GRXCR2: variants seen among roughly 807,000 people sequenced by gnomAD.
GRXCR2 encodes glutaredoxin domain-containing cysteine-rich protein 2.
A neutral mutation model predicts 24.8 loss-of-function variants in GRXCR2; 23 were observed. The ratio of observed to expected loss-of-function variants is 0.93; its 90% confidence interval spans 0.67 to 1.32. GRXCR2 has a LOEUF of 1.32. GRXCR2 is among the 40% of genes most tolerant of loss of function. The pLI is 0.00. For synonymous variants in GRXCR2, 130 were observed against 116.1 expected (o/e 1.12, Z -0.77); for missense variants, 315 against 303.4 (o/e 1.04, Z -0.28).
chr5:145,881,279 C>T (rs142904601), intron 2 of GRXCR2, among the ~76,000 whole-genome samples: 1 of 152,150 alleles, frequency 6.6e-6, no homozygotes, highest in Non-Finnish European at 1.5e-5. Context: ...ATTTAGAAAA[C>T]CCTATTGTCT....
chr5:145,924,286 C>T (rs555731769), intron 2 of GRXCR2, among the ~76,000 whole-genome samples: 169 of 152,236 alleles, frequency 1.1e-3, no homozygotes, highest in African/African-American at 3.9e-3. Context: ...AGCATAAAAA[C>T]GAAATGAGAT....
chr5:145,909,507 A>G (rs1757135334), intron 2 of GRXCR2, among the ~76,000 whole-genome samples: 1 of 152,174 alleles, frequency 6.6e-6, no homozygotes. Flanking sequence ...CTGACCATCA[A>G]ACTAAAGCAG....
intron 2 of GRXCR2, among the ~76,000 whole-genome samples, chr5:145,866,195 C>T (rs1318533997): frequency 6.6e-6 from 1 of 150,600 alleles, no homozygotes; most frequent in Non-Finnish European, 1.5e-5. Flanking sequence ...TATTTTTCCA[C>T]CTCTAGAACC....
chr5:145,915,391 G>C (rs150143889), intron 2 of GRXCR2, among the ~76,000 whole-genome samples: 1 of 152,190 alleles, frequency 6.6e-6, no homozygotes, highest in Non-Finnish European at 1.5e-5. Flanking sequence ...GGGCCCTTTG[G>C]GCTGAGAACT....
chr5:145,909,024 A>T (rs1385900527), intron 2 of GRXCR2, among the ~76,000 whole-genome samples: 1 of 152,164 alleles, frequency 6.6e-6, no homozygotes, highest in Non-Finnish European at 1.5e-5. Context: ...TAAGCAAATT[A>T]TTCATCCTCT....
Position 145,859,641 on chromosome 5 carries a change from T to G in GRXCR2, c.*92A>C. ...GTGACTGCAGCCACTGTGGCCTCCT[T>G]GTTGGGAGAGGCAGGAGGAGGAGAA... On this transcript the variant is annotated 3_prime_UTR_variant, in exon 3 of 3. Coordinates refer to ENST00000377976, the MANE Select transcript of GRXCR2 (RefSeq NM_001080516.2). 2 of 1,190,816 alleles carry G rather than the reference T, an allele frequency of 1.7e-6. No homozygotes were observed. Among genetic ancestry groups the G allele is most frequent in the Non-Finnish European group, 2.5e-6 (2 of 813,482 alleles). 73.8% of individuals were successfully genotyped at this position (1,190,816 alleles called of 1,614,324 possible).
intron 2 of GRXCR2, among the ~76,000 whole-genome samples, chr5:145,882,042 T>C (rs1269018219): frequency 1.3e-5 from 2 of 152,176 alleles, no homozygotes; most frequent in Non-Finnish European, 2.9e-5. Flanking sequence ...AAGACTTAAA[T>C]GTTAGACTTA....
intron 2 of GRXCR2, among the ~76,000 whole-genome samples, chr5:145,882,848 A>AG (rs1756722465): frequency 6.6e-6 from 1 of 152,162 alleles, no homozygotes; most frequent in Non-Finnish European, 1.5e-5. Flanking sequence ...AGCCATAAAA[A>AG]GGGATGAGTC....
At chr5:145,879,850 A>T (rs1340827584) in intron 2 of GRXCR2, among the ~76,000 whole-genome samples, 1 of 152,226 alleles carries the variant, frequency 6.6e-6, no homozygotes, top group African/African-American at 2.4e-5. Flanking sequence ...TGTCTCTCAG[A>T]TCACAGTGCA....
At chr5:145,857,980 C>T (rs1020575598), downstream of GRXCR2, among the ~76,000 whole-genome samples, 4 of 152,068 alleles carry the variant, frequency 2.6e-5, no homozygotes, top group Non-Finnish European at 4.4e-5. Context: ...CTGTATGCAG[C>T]GGGGCTCAAA....
intron 2 of GRXCR2, among the ~76,000 whole-genome samples, chr5:145,925,480 T>C (rs1405243995): frequency 1.3e-5 from 2 of 152,162 alleles, no homozygotes; most frequent in Admixed American, 1.3e-4. Flanking sequence ...CACAGAGCTG[T>C]TACTGGTGAA....
intron 2 of GRXCR2, among the ~76,000 whole-genome samples, chr5:145,917,299 C>T (rs1441243947): frequency 3.3e-5 from 5 of 151,928 alleles, no homozygotes; most frequent in Non-Finnish European, 7.4e-5. Flanking sequence ...CTTTCTCAGG[C>T]TTTCCTGTGT....
intron 2 of GRXCR2, among the ~76,000 whole-genome samples, chr5:145,863,267 T>C (rs913172893): frequency 6.6e-6 from 1 of 152,222 alleles, no homozygotes; most frequent in African/African-American, 2.4e-5. Context: ...ACCTTCTCTT[T>C]TAAAATAAAA....
chr5:145,892,991 G>C (rs2149919770), intron 2 of GRXCR2, among the ~76,000 whole-genome samples: 1 of 152,282 alleles, frequency 6.6e-6, no homozygotes, highest in South Asian at 2.1e-4. Context: ...CATTCTTAAA[G>C]AAAAGAATTT....
intron 2 of GRXCR2, among the ~76,000 whole-genome samples, chr5:145,890,136 T>G (rs1325408520): frequency 6.6e-6 from 1 of 152,234 alleles, no homozygotes; most frequent in African/African-American, 2.4e-5. Context: ...GTTGCCAGGC[T>G]GGAGTGCAGT....
chr5:145,895,490 AACAG>A lies in GRXCR2; in HGVS notation c.-69-28766_-69-28763del, dbSNP rs780162634. Among the ~76,000 whole-genome samples the A allele has an allele frequency of 2.5e-3, 382 of 151,904 alleles. 3 individuals are homozygous for A. The highest frequency in any genetic ancestry group is 3.4e-3 in the Middle Eastern group (1 of 294). On this transcript the variant is annotated intron_variant, in intron 2 of 3. Coordinates refer to the GRXCR2 transcript ENST00000639411. ...ATCACAAGCATTCTTATACACCAATAACAGACAGAGAGCCAAATCATGAGTGAAC... is the reference window on the plus strand; with the variant it reads ...ATCACAAGCATTCTTATACACCAATAACAGAGAGCCAAATCATGAGTGAAC...
At chr5:145,895,913 G>A (rs911880954) in intron 2 of GRXCR2, among the ~76,000 whole-genome samples, 1 of 152,088 alleles carries the variant, frequency 6.6e-6, no homozygotes, top group African/African-American at 2.4e-5. Flanking sequence ...AAAACAGCAT[G>A]GTACTGGTAC....
chr5:145,905,245 C>T (rs1757074975), intron 2 of GRXCR2, among the ~76,000 whole-genome samples: 2 of 152,154 alleles, frequency 1.3e-5, no homozygotes, highest in African/African-American at 4.8e-5. Flanking sequence ...CTATGCAGCC[C>T]AAAAGTTGCC....
rs993085489 is a variant in GRXCR2, at chr5:145,858,956, T to C, written c.*777A>G. ...GTTCTAGACTTAAAGTGGATTTATTTATTTGGTAGTAATTCAGGGGCTCGA... is the reference window on the plus strand; with the variant it reads ...GTTCTAGACTTAAAGTGGATTTATTCATTTGGTAGTAATTCAGGGGCTCGA... On this transcript the variant is annotated 3_prime_UTR_variant, in exon 3 of 3. Coordinates refer to ENST00000377976, the MANE Select transcript of GRXCR2 (RefSeq NM_001080516.2). 15 of 152,206 alleles carry C rather than the reference T, an allele frequency of 9.9e-5. No individual in the cohort carries two copies. The highest frequency in any genetic ancestry group is 1.6e-4 in the Non-Finnish European group (11 of 68,026). The allele number at this position is 152,206 out of a possible 1,614,324, so 9.4% of individuals were successfully genotyped here. A position where few individuals can be genotyped will look rare whatever the true frequency, so the allele number is the denominator to read the frequency against.
Sources: allele counts gnomAD v4.1 joint callset (sites outside exome capture counted in the v4.1 genomes callset), GRCh38; gene constraint gnomAD v4.1.1; transcripts MANE v1.5; gene names NCBI Gene and HGNC (gene_info 2026-07-23, HGNC 2026-07-21).